The following CNTNAP2 variants were observed in gnomAD, a reference collection of about 807,000 sequenced individuals.
CNTNAP2 encodes the protein contactin-associated protein-like 2.
A neutral mutation model predicts 155.2 loss-of-function variants in CNTNAP2; 98 were observed. The observed-to-expected ratio is 0.63, with a 90% CI of 0.54 to 0.75. The LOEUF (loss-of-function observed/expected upper bound fraction) is 0.75, where lower values mean the gene tolerates loss of function less well. CNTNAP2 is among the 30% of genes least tolerant of loss of function. CNTNAP2 has a pLI of 0.00. For synonymous variants in CNTNAP2, 651 were observed against 631.2 expected (o/e 1.03, Z -0.47); for missense variants, 1,727 against 1,688.1 (o/e 1.02, Z -0.40).
At chr7:147,211,965 A>T (rs1452152566) in intron 8 of CNTNAP2, among the ~76,000 whole-genome samples, 1 of 152,166 alleles carries the variant, frequency 6.6e-6, no homozygotes, top group Non-Finnish European at 1.5e-5. Flanking sequence ...TCAAAATAAG[A>T]TACACAAGCA....
intron 11 of CNTNAP2, among the ~76,000 whole-genome samples, chr7:147,507,840 C>T (rs759093139): frequency 1.3e-5 from 2 of 152,012 alleles, no homozygotes; most frequent in African/African-American, 2.4e-5. Flanking sequence ...CGTGAGCCAC[C>T]GCGCCTGGCC....
At chr7:147,029,710 A>G (rs1306340532) in intron 3 of CNTNAP2, among the ~76,000 whole-genome samples, 2 of 152,192 alleles carry the variant, frequency 1.3e-5, no homozygotes, top group Non-Finnish European at 2.9e-5. Context: ...AGCATATGAA[A>G]TTGAGGAAGA....
At chr7:146,267,331 C>G (rs570030871) in intron 1 of CNTNAP2, among the ~76,000 whole-genome samples, 4 of 152,168 alleles carry the variant, frequency 2.6e-5, no homozygotes, top group Non-Finnish European at 5.9e-5. Flanking sequence ...CAATTGGAAG[C>G]CGGTTACATC....
intron 1 of CNTNAP2, among the ~76,000 whole-genome samples, chr7:146,288,357 A>T (rs1800372407): frequency 6.6e-6 from 1 of 151,988 alleles, no homozygotes; most frequent in African/African-American, 2.4e-5. Context: ...GTGTACAAGA[A>T]GGCTTGGAAG....
intron 15 of CNTNAP2, among the ~76,000 whole-genome samples, chr7:148,091,359 A>G (rs1279372320): frequency 6.6e-6 from 1 of 152,204 alleles, no homozygotes; most frequent in Non-Finnish European, 1.5e-5. Context: ...CACCATACAT[A>G]TATACAATTT....
At chr7:147,078,051 C>T (rs1246303662) in intron 4 of CNTNAP2, among the ~76,000 whole-genome samples, 1 of 152,088 alleles carries the variant, frequency 6.6e-6, no homozygotes, top group East Asian at 1.9e-4. Flanking sequence ...TCAAAGAGTG[C>T]CAAACATTTT....
intron 22 of CNTNAP2, among the ~76,000 whole-genome samples, chr7:148,384,750 G>T (rs1266817541): frequency 6.6e-6 from 1 of 152,146 alleles, no homozygotes; most frequent in East Asian, 1.9e-4. Flanking sequence ...AGGAGGCCTG[G>T]ATTCCAGCAC....
chr7:148,108,241 G>A (rs556045070), intron 15 of CNTNAP2, among the ~76,000 whole-genome samples: 51 of 152,150 alleles, frequency 3.4e-4, no homozygotes, highest in South Asian at 6.2e-4. Context: ...CTTCTTAGTC[G>A]TCAGGTCCCT....
chr7:147,567,954 C>T (rs967279297), intron 12 of CNTNAP2, among the ~76,000 whole-genome samples: 27 of 152,178 alleles, frequency 1.8e-4, no homozygotes, highest in Admixed American at 2.6e-4. Flanking sequence ...GGTGTGGTGG[C>T]GCACACCTGT....
intron 21 of CNTNAP2, among the ~76,000 whole-genome samples, chr7:148,365,291 T>C (rs1709260062): frequency 1.3e-5 from 2 of 152,226 alleles, no homozygotes; most frequent in Non-Finnish European, 2.9e-5. Flanking sequence ...TTTTGCTTAT[T>C]GCTCAACTAG....
chr7:146,572,117 T>C (rs769757349), intron 1 of CNTNAP2, among the ~76,000 whole-genome samples: 9 of 152,340 alleles, frequency 5.9e-5, no homozygotes, highest in Non-Finnish European at 1.0e-4. Context: ...TATTGCAGTC[T>C]TGAATATTAA....
At chr7:147,679,055 CTG>C (rs1795910965) in intron 13 of CNTNAP2, among the ~76,000 whole-genome samples, 1 of 151,800 alleles carries the variant, frequency 6.6e-6, no homozygotes, top group African/African-American at 2.4e-5. Flanking sequence ...CAAAAGAAAT[CTG>C]TGGTATGTTT....
intron 1 of CNTNAP2, among the ~76,000 whole-genome samples, chr7:146,525,134 A>T (rs1797669778): frequency 6.6e-6 from 1 of 152,092 alleles, no homozygotes; most frequent in African/African-American, 2.4e-5. Flanking sequence ...ATGGTTAGGT[A>T]GATTATAATT....
intron 17 of CNTNAP2, among the ~76,000 whole-genome samples, chr7:148,170,698 G>A (rs1805771823): frequency 6.6e-6 from 1 of 152,182 alleles, no homozygotes; most frequent in Non-Finnish European, 1.5e-5. Context: ...TGCAGAGATG[G>A]TACAGCAACT....
At chr7:147,231,272 T>G (rs1803675991) in intron 8 of CNTNAP2, among the ~76,000 whole-genome samples, 1 of 152,228 alleles carries the variant, frequency 6.6e-6, no homozygotes, top group Non-Finnish European at 1.5e-5. Flanking sequence ...GTTTCCTTCT[T>G]TTTTAAGGCT....
intron 3 of CNTNAP2, among the ~76,000 whole-genome samples, chr7:146,992,245 G>A (rs1286599747): frequency 2.0e-5 from 3 of 152,128 alleles, no homozygotes; most frequent in Non-Finnish European, 2.9e-5. Flanking sequence ...AAATCTTAGA[G>A]TAATACCTCC....
intron 16 of CNTNAP2, among the ~76,000 whole-genome samples, chr7:148,131,407 A>G (rs1335295586): frequency 6.6e-6 from 1 of 151,980 alleles, no homozygotes; most frequent in Non-Finnish European, 1.5e-5. Flanking sequence ...AACACTTTCC[A>G]TATTATTTAC....
chr7:146,534,557 C>G (rs1293096889), intron 1 of CNTNAP2, among the ~76,000 whole-genome samples: 1 of 152,052 alleles, frequency 6.6e-6, no homozygotes. Flanking sequence ...TTTTGTTTAT[C>G]TGAACTGTAT....
At chr7:147,344,860 G>A (rs532852276) in intron 9 of CNTNAP2, among the ~76,000 whole-genome samples, 9 of 152,156 alleles carry the variant, frequency 5.9e-5, no homozygotes, top group Admixed American at 5.9e-4. Flanking sequence ...ACCTCTAAGT[G>A]ATGATGATGT....
Sources: gnomAD v4.1 joint callset for allele counts (sites outside exome capture counted in the v4.1 genomes callset) on GRCh38, gnomAD v4.1.1 for gene constraint, MANE v1.5 for transcripts, NCBI Gene and HGNC (gene_info 2026-07-23, HGNC 2026-07-21) for gene names.